Variants in NEGR1 observed in about 807,000 individuals in gnomAD.
NEGR1 encodes the protein IgLON family member 4.
Under a neutral mutation model 40.9 loss-of-function variants are expected in NEGR1, and 10 were observed. The ratio of observed to expected loss-of-function variants is 0.24; its 90% CI spans 0.15 to 0.42. NEGR1 has a LOEUF of 0.42. NEGR1 is among the 10% of genes least tolerant of loss of function. NEGR1 has a pLI of 1.00. For missense variants in NEGR1, 352 were observed against 438.9 expected (o/e 0.80, Z 1.77); for synonymous variants, 185 against 166.8 (o/e 1.11, Z -0.84).
chr1:71,457,947 C>T lies in NEGR1; in HGVS notation c.941-50377G>A, dbSNP rs188682251. ...TTGATCTCGTGACCTCGTGATCCGC[C>T]CACCTTGGCCTCCCAAAGTGCTGGG... is the stretch of plus-strand genomic sequence containing the variant. On this transcript the variant is annotated intron_variant, in intron 6 of 6. Transcript: ENST00000357731. Among the ~76,000 whole-genome samples the T allele has an allele frequency of 2.1e-3, 327 of 152,242 alleles. 1 individual carries two copies. The highest frequency in any genetic ancestry group is 7.6e-3 in the African/African-American group (314 of 41,536).
At chr1:71,476,249 A>G (rs763419502) in intron 6 of NEGR1, among the ~76,000 whole-genome samples, 7 of 152,138 alleles carry the variant, frequency 4.6e-5, no homozygotes, top group Non-Finnish European at 8.8e-5. Flanking sequence ...ACCCCACTGA[A>G]GCTTTAAAAG....
At chr1:71,853,762 A>C (rs1345031061) in intron 2 of NEGR1, among the ~76,000 whole-genome samples, 1 of 152,128 alleles carries the variant, frequency 6.6e-6, no homozygotes, top group Non-Finnish European at 1.5e-5. Context: ...TGTTATCATA[A>C]AGTTTCTGAC....
chr1:71,928,025 A>C lies in NEGR1; in HGVS notation c.409+7054T>G, dbSNP rs973995891. Among the ~76,000 whole-genome samples, 5 of 79,148 alleles carry C rather than the reference A, an allele frequency of 6.3e-5. 1 individual carries two copies. The East Asian group carries it at 1.7e-3, about 27-fold the overall frequency. 51.9% of individuals were successfully genotyped at this position (79,148 alleles called of 152,430 possible). ...GAAAAAATAAATAAATAAATAAATA[A>C]ATACACACACACACACACACACACG... On this transcript the variant is annotated intron_variant, in intron 2 of 6. Coordinates refer to ENST00000357731, the MANE Select transcript of NEGR1 (RefSeq NM_173808.3).
At chr1:72,122,859 A>C (rs1031770299) in intron 1 of NEGR1, among the ~76,000 whole-genome samples, 2 of 151,976 alleles carry the variant, frequency 1.3e-5, no homozygotes, top group African/African-American at 4.8e-5. Context: ...GCAGTGTTAG[A>C]TCACGATTAA....
intron 6 of NEGR1, among the ~76,000 whole-genome samples, chr1:71,552,829 T>C (rs569761077): frequency 9.8e-4 from 148 of 151,414 alleles, no homozygotes; most frequent in Non-Finnish European, 1.9e-3. Flanking sequence ...GGCAAAAGTA[T>C]AATTTGCTTT....
At chr1:72,250,053 A>G (rs190401257) in intron 1 of NEGR1, among the ~76,000 whole-genome samples, 2 of 152,324 alleles carry the variant, frequency 1.3e-5, no homozygotes, top group East Asian at 3.9e-4. Context: ...ATTTAAATCA[A>G]TAAAATGTGC....
intron 3 of NEGR1, among the ~76,000 whole-genome samples, chr1:71,724,893 A>T (rs920885378): frequency 6.6e-6 from 1 of 151,546 alleles, no homozygotes; most frequent in Admixed American, 6.6e-5. Flanking sequence ...AGTCAGCTTT[A>T]TCTCCTTTCT....
At chr1:71,609,771 A>T (rs1233401346) in intron 5 of NEGR1, among the ~76,000 whole-genome samples, 1 of 152,102 alleles carries the variant, frequency 6.6e-6, no homozygotes, top group East Asian at 1.9e-4. Context: ...GAGCCATGAC[A>T]TAAGTAAATG....
intron 1 of NEGR1, among the ~76,000 whole-genome samples, chr1:71,953,692 C>T (rs1353084817): frequency 6.6e-6 from 1 of 151,856 alleles, no homozygotes; most frequent in African/African-American, 2.4e-5. Context: ...AATAAATTGT[C>T]CAAGCCACCC....
chr1:71,977,023 A>G (rs1646310752), intron 1 of NEGR1, among the ~76,000 whole-genome samples: 1 of 152,174 alleles, frequency 6.6e-6, no homozygotes, highest in Non-Finnish European at 1.5e-5. Context: ...TGAGATATAA[A>G]GGATAAAACT....
intron 1 of NEGR1, among the ~76,000 whole-genome samples, chr1:72,281,985 C>G (rs138882652): frequency 1.7e-3 from 254 of 152,216 alleles, no homozygotes; most frequent in Middle Eastern, 6.9e-3. Context: ...GTCAGACTCT[C>G]CAGGAGTACC....
intron 6 of NEGR1, among the ~76,000 whole-genome samples, chr1:71,511,709 A>G (rs778224361): frequency 6.6e-6 from 1 of 152,182 alleles, no homozygotes; most frequent in African/African-American, 2.4e-5. Flanking sequence ...AAAGAGCAAT[A>G]TGTTCTTTTG....
intron 6 of NEGR1, among the ~76,000 whole-genome samples, chr1:71,547,531 A>G (rs1300457515): frequency 5.3e-5 from 8 of 151,786 alleles, no homozygotes; most frequent in Non-Finnish European, 1.2e-4. Context: ...AGAAATGAGA[A>G]TAGCCCACCA....
chr1:71,598,529 G>T (rs1222760506), intron 5 of NEGR1, among the ~76,000 whole-genome samples: 4 of 152,164 alleles, frequency 2.6e-5, no homozygotes, highest in Non-Finnish European at 5.9e-5. Context: ...GCTTCTTGTA[G>T]CCTGAGATGA....
chr1:71,633,930 A>G (rs1289853749), intron 4 of NEGR1, among the ~76,000 whole-genome samples: 3 of 152,100 alleles, frequency 2.0e-5, no homozygotes, highest in Non-Finnish European at 2.9e-5. Context: ...GAGTATTACA[A>G]TCTGGTGCAC....
chr1:71,452,393 T>C (rs192228156), intron 6 of NEGR1, among the ~76,000 whole-genome samples: 2 of 152,316 alleles, frequency 1.3e-5, no homozygotes, highest in Admixed American at 1.3e-4. Flanking sequence ...TTTCTGACTT[T>C]TACAACTAAA....
Position 71,699,403 on chromosome 1 carries a change from G to A in NEGR1, c.536-1264C>T, listed in dbSNP as rs1009998397. Among the ~76,000 whole-genome samples, 8 of 151,704 alleles carry A rather than the reference G, an allele frequency of 5.3e-5. No individual in the cohort carries two copies. In the East Asian group the frequency reaches 7.7e-4, roughly 15 times the overall value. On this transcript the variant is annotated intron_variant, in intron 3 of 6. Coordinates refer to ENST00000357731, the MANE Select transcript of NEGR1 (RefSeq NM_173808.3). ...TAGTGTTTAGAATATATATGATTAA[G>A]TCGTATTTCCATTTATCTATCTAAT...
intron 1 of NEGR1, among the ~76,000 whole-genome samples, chr1:72,042,715 A>C (rs1261959755): frequency 6.6e-6 from 1 of 151,998 alleles, no homozygotes; most frequent in Non-Finnish European, 1.5e-5. Context: ...GCCCAAAGCT[A>C]GGGGAATGTA....
chr1:72,236,081 C>T (rs1654535647), intron 1 of NEGR1, among the ~76,000 whole-genome samples: 1 of 152,078 alleles, frequency 6.6e-6, no homozygotes, highest in African/African-American at 2.4e-5. Flanking sequence ...GGCACATATA[C>T]ACCATGGAAT....
Sources: gnomAD v4.1 joint callset for allele counts (sites outside exome capture counted in the v4.1 genomes callset) on GRCh38, gnomAD v4.1.1 for gene constraint, MANE v1.5 for transcripts, NCBI Gene and HGNC (gene_info 2026-07-23, HGNC 2026-07-21) for gene names.